DYNC2LI1: variants seen among roughly 807,000 people sequenced by gnomAD.
DYNC2LI1 encodes the protein dynein cytoplasmic 2 light intermediate chain 1.
A neutral mutation model predicts 51.9 loss-of-function variants in DYNC2LI1; 45 were observed. The ratio of observed to expected loss-of-function variants is 0.87; its 90% CI spans 0.68 to 1.11. DYNC2LI1 has a LOEUF of 1.11. Among genes scored for constraint, DYNC2LI1 ranks in the 50% most tolerant of loss-of-function variants. The probability of loss-of-function intolerance (pLI) is 0.00; values close to 1 mark genes in which losing one functional copy is unlikely to be tolerated. For synonymous variants in DYNC2LI1, 130 were observed against 137.8 expected (o/e 0.94, Z 0.40); for missense variants, 490 against 417.4 (o/e 1.17, Z -1.51).
At chr2:43,799,948 T>G (rs1247734258) in intron 8 of DYNC2LI1, among the ~76,000 whole-genome samples, 2 of 152,224 alleles carry the variant, frequency 1.3e-5, no homozygotes, top group Non-Finnish European at 2.9e-5. Flanking sequence ...ATACTTTCTC[T>G]GAGAGCATTA....
At chr2:43,792,971 A>C (rs1673860255) in intron 5 of DYNC2LI1, 3 of 572,874 alleles carry the variant, frequency 5.2e-6, no homozygotes, top group Admixed American at 8.3e-5. Context: ...ATTGGTGTAC[A>C]TTATCTGTTT....
At chr2:43,793,016 CA>C (rs1196336679) in intron 5 of DYNC2LI1, 3 of 376,178 alleles carry the variant, frequency 8.0e-6, no homozygotes, top group African/African-American at 6.4e-5. Context: ...GGTTTAGACT[CA>C]GAAGTGGAAT....
At chr2:43,795,486 G>T (rs1673994426) in intron 6 of DYNC2LI1, among the ~76,000 whole-genome samples, 1 of 151,880 alleles carries the variant, frequency 6.6e-6, no homozygotes, top group African/African-American at 2.4e-5. Context: ...CCTGACTCCA[G>T]AGGGAGACTC....
the DYNC2LI1 span, chr2:43,824,776 CACAAAA>C: frequency 6.5e-7 from 1 of 1,532,100 alleles, no homozygotes; most frequent in Non-Finnish European, 8.9e-7. Context: ...GAGTATAAAA[CACAAAA>C]ACAAAAGCAA....
chr2:43,824,048 C>T, the DYNC2LI1 span: 87 of 1,614,090 alleles, frequency 5.4e-5, no homozygotes, highest in Non-Finnish European at 6.9e-5. Context: ...AGGAACAAAC[C>T]CATGATCAGA....
chr2:43,789,256 C>T (rs1382481448), intron 4 of DYNC2LI1, among the ~76,000 whole-genome samples: 2 of 152,146 alleles, frequency 1.3e-5, no homozygotes, highest in Admixed American at 6.5e-5. Flanking sequence ...TGTTTTATTT[C>T]TATCTAGAAT....
the DYNC2LI1 span, chr2:43,828,298 G>A: frequency 1.5e-5 from 12 of 801,408 alleles, no homozygotes; most frequent in African/African-American, 6.9e-5. Context: ...GGCTTAAATC[G>A]TAATACATGT....
downstream of DYNC2LI1, among the ~76,000 whole-genome samples, chr2:43,814,175 T>C (rs2104749419): frequency 6.6e-6 from 1 of 152,278 alleles, no homozygotes; most frequent in East Asian, 1.9e-4. Flanking sequence ...ATGTGTTCAG[T>C]AGATACAGGA....
downstream of DYNC2LI1, chr2:43,814,649 GA>G: frequency 1.0e-6 from 1 of 954,830 alleles, no homozygotes; most frequent in East Asian, 2.4e-5. Flanking sequence ...CCTACCAAAT[GA>G]AAAGAAAGGC....
chr2:43,826,395 G>C, the DYNC2LI1 span: 10 of 1,613,912 alleles, frequency 6.2e-6, no homozygotes, highest in African/African-American at 6.7e-5. Flanking sequence ...AAAAAGCTCA[G>C]AACGGGGCTG....
the DYNC2LI1 span, chr2:43,822,542 C>A: frequency 1.0e-6 from 1 of 984,726 alleles, no homozygotes; most frequent in Non-Finnish European, 1.2e-6. Context: ...CCAGGCCCTG[C>A]CGTGAATGTG....
chr2:43,806,150 G>A (rs958826490), intron 12 of DYNC2LI1, among the ~76,000 whole-genome samples: 2 of 152,114 alleles, frequency 1.3e-5, no homozygotes, highest in African/African-American at 4.8e-5. Flanking sequence ...CCAAAGTGCT[G>A]GGATTACAGG....
At chr2:43,796,684 T>G in intron 7 of DYNC2LI1, 34 bp from the exon 8 acceptor site, 1 of 1,469,634 alleles carries the variant, frequency 6.8e-7, no homozygotes, top group Non-Finnish European at 9.5e-7. Context: ...GATATTTGGT[T>G]ATCTTGACTT....
In DYNC2LI1 at chr2:43,809,811, CA is replaced by C. The variant is rs780620194; in HGVS notation, c.*47del. On this transcript the variant is annotated 3_prime_UTR_variant, in exon 13 of 13. Coordinates refer to ENST00000260605, the MANE Select transcript of DYNC2LI1 (RefSeq NM_016008.4). ...ATATTTATTTCTTCTTTTCCAAATA[CA>C]AATAAGATTATACTGTGAATTAACT... 9.6e-6 allele frequency: 15 copies of C among 1,566,026 alleles called. No individual in the cohort carries two copies. The South Asian group carries it at 1.3e-4, about 14-fold the overall frequency.
At chr2:43,784,478 T>C (rs1673428954) in intron 3 of DYNC2LI1, among the ~76,000 whole-genome samples, 1 of 152,140 alleles carries the variant, frequency 6.6e-6, no homozygotes, top group Non-Finnish European at 1.5e-5. Flanking sequence ...TCGCTCTTGT[T>C]GCCCAGGCTG....
rs117614745 is a variant in DYNC2LI1, at chr2:43,785,131, G to C, written c.161+1577G>C. On this transcript the variant is annotated intron_variant, in intron 3 of 12. Transcript: ENST00000260605. The stretch of plus-strand genomic sequence containing the variant: ...TGGCCAACATAGTGAGAACTCGTCT[G>C]TACCAAAAGATACAAAAATTAGCTG... Among the ~76,000 whole-genome samples the C allele has an allele frequency of 1.2e-3, 188 of 151,694 alleles. No homozygotes were observed. In the East Asian group the frequency reaches 0.016, roughly 13 times the overall value.
chr2:43,797,415 A>G (rs2104701744), intron 8 of DYNC2LI1, among the ~76,000 whole-genome samples: 1 of 151,816 alleles, frequency 6.6e-6, no homozygotes, highest in South Asian at 2.1e-4. Context: ...AGAACAGAAT[A>G]TTACTCAATA....
intron 2 of DYNC2LI1, among the ~76,000 whole-genome samples, chr2:43,780,884 G>A (rs1298172803): frequency 6.6e-6 from 1 of 152,024 alleles, no homozygotes; most frequent in African/African-American, 2.4e-5. Context: ...CTAGGTCAAT[G>A]TTTCTTGAAT....
intron 2 of DYNC2LI1, among the ~76,000 whole-genome samples, chr2:43,778,141 A>ATATAAG (rs1223270258): frequency 2.6e-5 from 4 of 152,298 alleles, no homozygotes; most frequent in Middle Eastern, 3.4e-3. Flanking sequence ...TAACCCAACT[A>ATATAAG]TATAAGTATA....
Sources: allele counts gnomAD v4.1 joint callset (sites outside exome capture counted in the v4.1 genomes callset), GRCh38; gene constraint gnomAD v4.1.1; transcripts MANE v1.5; gene names NCBI Gene and HGNC (gene_info 2026-07-23, HGNC 2026-07-21).